FNBP1: variants seen among roughly 807,000 people sequenced by gnomAD.
FNBP1 encodes the protein formin-binding protein 1.
In FNBP1, 26 loss-of-function variants were observed where a neutral mutation model predicts 90.6. That is an observed-to-expected ratio of 0.29 (90% CI 0.21 to 0.40). The LOEUF (loss-of-function observed/expected upper bound fraction) is 0.40, where lower values mean the gene tolerates loss of function less well. FNBP1 is among the 10% of genes least tolerant of loss of function. The probability of loss-of-function intolerance (pLI) is 1.00; values close to 1 mark genes in which losing one functional copy is unlikely to be tolerated. For missense variants in FNBP1, 635 were observed against 768.0 expected (o/e 0.83, Z 2.05); for synonymous variants, 260 against 265.2 (o/e 0.98, Z 0.19).
chr9:129,923,277 G>A (rs2041369378), intron 10 of FNBP1, among the ~76,000 whole-genome samples: 1 of 151,812 alleles, frequency 6.6e-6, no homozygotes, highest in Admixed American at 6.6e-5. Flanking sequence ...CTTCCAAAAT[G>A]TACTAGAAAC....
intron 1 of FNBP1, among the ~76,000 whole-genome samples, chr9:129,997,569 A>G (rs1021997030): frequency 1.3e-5 from 2 of 152,172 alleles, no homozygotes; most frequent in Admixed American, 6.5e-5. Context: ...TATACACACA[A>G]CTCAAGCTAT....
chr9:129,942,470 A>C (rs1055918822), intron 6 of FNBP1, among the ~76,000 whole-genome samples: 68 of 152,200 alleles, frequency 4.5e-4, no homozygotes, highest in Non-Finnish European at 8.1e-4. Context: ...TTGTCATCTT[A>C]CCTCAACCTG....
intron 2 of FNBP1, among the ~76,000 whole-genome samples, chr9:129,991,659 C>CTTTT (rs199704427): frequency 7.2e-6 from 1 of 138,920 alleles, no homozygotes. Context: ...TAGACATTTC[C>CTTTT]TTTTTTTTTT....
At chr9:129,964,643 CTT>C (rs956055864) in intron 4 of FNBP1, among the ~76,000 whole-genome samples, 1 of 149,602 alleles carries the variant, frequency 6.7e-6, no homozygotes, top group African/African-American at 2.5e-5. Flanking sequence ...CAAGCATTAA[CTT>C]TAAGAAAAAC....
At chr9:129,969,078 A>G (rs1008040923) in intron 4 of FNBP1, among the ~76,000 whole-genome samples, 1 of 152,206 alleles carries the variant, frequency 6.6e-6, no homozygotes, top group Non-Finnish European at 1.5e-5. Flanking sequence ...ACTTGACTCA[A>G]TGTTCAAAAG....
chr9:130,038,198 C>CA (rs1032182203), intron 1 of FNBP1, among the ~76,000 whole-genome samples: 15 of 151,198 alleles, frequency 9.9e-5, no homozygotes, highest in African/African-American at 3.6e-4. Context: ...ACTAAAAATA[C>CA]AAAAAAATTA....
rs138119134 is a variant in FNBP1, at chr9:129,966,950, C to A, written c.346-8397G>T. Reference sequence around the variant, plus strand: ...CAGAGAAATGAATTAGGAGGCTCAGCAGAGTCCTCTAGATGAGAGATAATG... The same window carrying A: ...CAGAGAAATGAATTAGGAGGCTCAGAAGAGTCCTCTAGATGAGAGATAATG... On this transcript the variant is annotated intron_variant, in intron 4 of 16. Coordinates refer to ENST00000446176, the MANE Select transcript of FNBP1 (RefSeq NM_015033.3). The surrounding 1 kb of genome is among the most constrained non-coding windows in gnomAD (Gnocchi z 4.3). 1.3e-5 allele frequency among the ~76,000 whole-genome samples: 2 copies of A among 152,212 alleles called. No homozygotes were observed. Among genetic ancestry groups the A allele is most frequent in the Non-Finnish European group, 2.9e-5 (2 of 68,004 alleles).
At chr9:130,048,224 G>A in the FNBP1 span, among the ~76,000 whole-genome samples, 1 of 146,692 alleles carries the variant, frequency 6.8e-6, no homozygotes, top group Non-Finnish European at 1.5e-5. Flanking sequence ...GCTGAGGCAG[G>A]AGAATCGCTT....
the FNBP1 span, among the ~76,000 whole-genome samples, chr9:130,048,491 C>CTTTTTT: frequency 6.9e-4 from 72 of 105,080 alleles, 3 homozygotes; most frequent in Non-Finnish European, 8.9e-4. Flanking sequence ...CCTCAGTTTC[C>CTTTTTT]TTTTTTTTTT....
chr9:129,975,959 A>G (rs2050249217), intron 4 of FNBP1, among the ~76,000 whole-genome samples: 1 of 151,308 alleles, frequency 6.6e-6, no homozygotes, highest in Non-Finnish European at 1.5e-5. Context: ...AGAAACAACC[A>G]GGAAAAAAAT....
At chr9:129,908,214 T>G (rs2038529822) in intron 12 of FNBP1, among the ~76,000 whole-genome samples, 1 of 140,628 alleles carries the variant, frequency 7.1e-6, no homozygotes. Flanking sequence ...CTTTTTTTTT[T>G]TTTTTTTGAG....
At chr9:129,916,059 CAGA>C (rs2040214865) in intron 10 of FNBP1, 79 bp from the exon 11 acceptor site, 2 of 1,023,308 alleles carry the variant, frequency 2.0e-6, no homozygotes, top group South Asian at 1.4e-5. Context: ...AACAACACAT[CAGA>C]AGAAGAGGAA....
At chr9:130,020,270 C>T (rs763395089) in intron 1 of FNBP1, among the ~76,000 whole-genome samples, 2 of 152,154 alleles carry the variant, frequency 1.3e-5, no homozygotes, top group Admixed American at 6.6e-5. Flanking sequence ...TGCTGTAGCG[C>T]GACCTTGGCT....
At position 130,031,570 on chromosome 9, in the gene FNBP1, T is replaced by G. The variant is rs2058803227; in HGVS notation, c.24+11382A>C. On this transcript the variant is annotated intron_variant, in intron 1 of 16. Coordinates refer to ENST00000446176, the MANE Select transcript of FNBP1 (RefSeq NM_015033.3). The surrounding 1 kb of genome is among the most constrained non-coding windows in gnomAD (Gnocchi z 4.2). ...CTTACTAGTCCTTCAGGACTCCACTTGGATGCCATTTCCCCACCTGAGTTA... is the reference window on the plus strand; with the variant it reads ...CTTACTAGTCCTTCAGGACTCCACTGGGATGCCATTTCCCCACCTGAGTTA... 6.6e-6 allele frequency among the ~76,000 whole-genome samples: 1 copy of G among 152,210 alleles called. No individual in the cohort carries two copies. The highest frequency in any genetic ancestry group is 6.5e-5 in the Admixed American group (1 of 15,268).
chr9:129,915,243 C>T (rs1445353425), intron 11 of FNBP1, among the ~76,000 whole-genome samples: 1 of 152,110 alleles, frequency 6.6e-6, no homozygotes, highest in African/African-American at 2.4e-5. Flanking sequence ...TGCACAGCTC[C>T]TCCAGGCTCC....
intron 6 of FNBP1, among the ~76,000 whole-genome samples, chr9:129,956,223 G>A (rs566438194): frequency 7.2e-5 from 11 of 152,164 alleles, no homozygotes; most frequent in African/African-American, 1.9e-4. Flanking sequence ...TAATATTAAC[G>A]TATACCTAGT....
At chr9:129,985,414 A>T (rs1196330794) in intron 2 of FNBP1, among the ~76,000 whole-genome samples, 4 of 152,206 alleles carry the variant, frequency 2.6e-5, no homozygotes, top group Admixed American at 6.5e-5. Context: ...TGAAACAAGG[A>T]GAGTAATTTA....
Position 130,008,689 on chromosome 9 carries a change from T to C in FNBP1, c.25-13731A>G, listed in dbSNP as rs532366642. Among the ~76,000 whole-genome samples, 71 of 152,304 alleles carry C rather than the reference T, an allele frequency of 4.7e-4. No individual in the cohort carries two copies. The South Asian group carries it at 0.014, about 31-fold the overall frequency. On this transcript the variant is annotated intron_variant, in intron 1 of 16. Coordinates refer to ENST00000446176, the MANE Select transcript of FNBP1 (RefSeq NM_015033.3). ...TCATTTCCTGATTTCTATGCAGAGA[T>C]TGGACCACGAAAGCTGTCTAAATAT...
intron 1 of FNBP1, among the ~76,000 whole-genome samples, chr9:130,037,524 T>C (rs1245680757): frequency 3.3e-5 from 5 of 152,078 alleles, no homozygotes; most frequent in African/African-American, 1.2e-4. Flanking sequence ...TTCGACACAC[T>C]AGGGAAAAAA....
Sources: gnomAD v4.1 joint callset for allele counts (sites outside exome capture counted in the v4.1 genomes callset) on GRCh38, gnomAD v4.1.1 for gene constraint, Gnocchi (gnomAD v3.1) non-coding constraint, MANE v1.5 for transcripts, NCBI Gene and HGNC (gene_info 2026-07-23, HGNC 2026-07-21) for gene names.